The following OPCML variants were observed in gnomAD, a reference collection of about 807,000 sequenced individuals.
OPCML encodes the protein opioid binding protein/cell adhesion molecule like.
A neutral mutation model predicts 37.8 loss-of-function variants in OPCML; 13 were observed. The ratio of observed to expected loss-of-function variants is 0.34; its 90% CI spans 0.22 to 0.55. The LOEUF (loss-of-function observed/expected upper bound fraction) is 0.55, where lower values mean the gene tolerates loss of function less well. Ranked by LOEUF, OPCML falls within the 20% of genes least tolerant of loss-of-function variation. The pLI, the probability that OPCML is intolerant of heterozygous loss-of-function variation, is 0.91. For synonymous variants in OPCML, 176 were observed against 168.8 expected (o/e 1.04, Z -0.33); for missense variants, 341 against 435.6 (o/e 0.78, Z 1.93).
At chr11:132,998,820 G>A (rs1174360886) in intron 1 of OPCML, among the ~76,000 whole-genome samples, 1 of 152,208 alleles carries the variant, frequency 6.6e-6, no homozygotes, top group Non-Finnish European at 1.5e-5. Flanking sequence ...GAACCAGGAA[G>A]TAGGCCCTTG....
chr11:132,492,921 T>G (rs2096220623), intron 4 of OPCML, among the ~76,000 whole-genome samples: 1 of 152,164 alleles, frequency 6.6e-6, no homozygotes, highest in African/African-American at 2.4e-5. Context: ...TTATAAATAC[T>G]TGATGACTGA....
At chr11:133,215,428 C>T (rs1467035177) in intron 1 of OPCML, among the ~76,000 whole-genome samples, 2 of 152,218 alleles carry the variant, frequency 1.3e-5, no homozygotes, top group African/African-American at 4.8e-5. Context: ...TATCATCTTC[C>T]TGGATGTTTG....
chr11:133,496,696 C>T (rs868626961), intron 1 of OPCML, among the ~76,000 whole-genome samples: 4 of 152,286 alleles, frequency 2.6e-5, no homozygotes, highest in Middle Eastern at 3.4e-3. Context: ...ATTTGATTCT[C>T]CACTTGGTCA....
At chr11:132,513,003 T>C (rs1002175712) in intron 4 of OPCML, among the ~76,000 whole-genome samples, 1 of 152,072 alleles carries the variant, frequency 6.6e-6, no homozygotes, top group Non-Finnish European at 1.5e-5. Context: ...AAAAAGCCCT[T>C]GTTCTTCCCT....
intron 1 of OPCML, among the ~76,000 whole-genome samples, chr11:133,110,903 C>T (rs1368430016): frequency 6.6e-6 from 1 of 152,162 alleles, no homozygotes; most frequent in African/African-American, 2.4e-5. Flanking sequence ...TCTGAACACT[C>T]ATTAACCCCA....
chr11:133,176,932 C>T (rs906137134), intron 1 of OPCML, among the ~76,000 whole-genome samples: 5 of 152,184 alleles, frequency 3.3e-5, no homozygotes, highest in Admixed American at 3.3e-4. Context: ...CTGTGTAGCA[C>T]CCTGACCCTG....
intron 3 of OPCML, among the ~76,000 whole-genome samples, chr11:132,630,648 G>A (rs1201579999): frequency 1.3e-5 from 2 of 152,148 alleles, no homozygotes; most frequent in African/African-American, 2.4e-5. Context: ...ATGATGCAGA[G>A]CAATCGTGAT....
intron 1 of OPCML, among the ~76,000 whole-genome samples, chr11:133,501,840 G>A (rs181623884): frequency 9.9e-5 from 15 of 152,148 alleles, no homozygotes; most frequent in Admixed American, 3.9e-4. Flanking sequence ...TCACCAGTCC[G>A]GGCTCCTCAC....
intron 4 of OPCML, among the ~76,000 whole-genome samples, chr11:132,527,400 T>C (rs1168682965): frequency 1.3e-5 from 2 of 152,294 alleles, no homozygotes; most frequent in East Asian, 1.9e-4. Flanking sequence ...CTCGATATTA[T>C]CAGCCTTTAT....
At chr11:133,245,833 C>T (rs2219096) in intron 1 of OPCML, among the ~76,000 whole-genome samples, 46,759 of 151,958 alleles carry the variant, frequency 0.31, 8,421 homozygotes, top group African/African-American at 0.5. Context: ...TGGATAAAGC[C>T]GGAAACCATC....
intron 2 of OPCML, among the ~76,000 whole-genome samples, chr11:132,903,153 G>A (rs190203140): frequency 2.6e-5 from 4 of 152,154 alleles, no homozygotes; most frequent in African/African-American, 9.6e-5. Context: ...TCCATAGCCT[G>A]TTGATAAATT....
chr11:132,445,310 G>C (rs545593434), intron 4 of OPCML, among the ~76,000 whole-genome samples: 1 of 152,180 alleles, frequency 6.6e-6, no homozygotes, highest in Non-Finnish European at 1.5e-5. Flanking sequence ...GAGAATGATG[G>C]AAGTGTTTAA....
intron 1 of OPCML, among the ~76,000 whole-genome samples, chr11:132,954,860 A>G (rs1277926669): frequency 6.6e-6 from 1 of 152,156 alleles, no homozygotes; most frequent in Non-Finnish European, 1.5e-5. Flanking sequence ...ATGGCCAAAA[A>G]AATAGAAGGA....
chr11:133,244,427 G>T (rs1431768758), intron 1 of OPCML, among the ~76,000 whole-genome samples: 1 of 152,084 alleles, frequency 6.6e-6, no homozygotes, highest in East Asian at 1.9e-4. Context: ...AGACCAATGA[G>T]TTAACCTAAT....
intron 2 of OPCML, among the ~76,000 whole-genome samples, chr11:132,915,228 T>C (rs1297772878): frequency 2.0e-5 from 3 of 152,204 alleles, no homozygotes; most frequent in Non-Finnish European, 4.4e-5. Context: ...TTCAACATTA[T>C]ATATGTGAAC....
intron 1 of OPCML, among the ~76,000 whole-genome samples, chr11:133,457,645 T>C (rs1372766486): frequency 2.0e-5 from 3 of 152,104 alleles, no homozygotes; most frequent in African/African-American, 7.2e-5. Context: ...TCTCACTCTG[T>C]ATTTCATATA....
chr11:133,323,320 T>C (rs759166758), intron 1 of OPCML, among the ~76,000 whole-genome samples: 5 of 152,338 alleles, frequency 3.3e-5, no homozygotes, highest in Non-Finnish European at 7.4e-5. Flanking sequence ...TTCTGTTCAA[T>C]TCTAATGCTT....
chr11:133,525,012 G>A (rs1001234062), intron 1 of OPCML, among the ~76,000 whole-genome samples: 3 of 152,138 alleles, frequency 2.0e-5, no homozygotes, highest in African/African-American at 2.4e-5. Flanking sequence ...TCTCCCACCC[G>A]TGCTAGGCAC....
chr11:132,506,908 G>GA (rs988912381), intron 4 of OPCML, among the ~76,000 whole-genome samples: 1 of 151,252 alleles, frequency 6.6e-6, no homozygotes, highest in East Asian at 1.9e-4. Flanking sequence ...CCATTATAAT[G>GA]AAAAAAAGGC....
Sources: gnomAD v4.1 joint callset for allele counts (sites outside exome capture counted in the v4.1 genomes callset) on GRCh38, gnomAD v4.1.1 for gene constraint, MANE v1.5 for transcripts, NCBI Gene and HGNC (gene_info 2026-07-23, HGNC 2026-07-21) for gene names.